IL10RA: variants seen among roughly 807,000 people sequenced by gnomAD.
IL10RA encodes interleukin-10 receptor subunit alpha.
A neutral mutation model predicts 29.6 loss-of-function variants in IL10RA; 18 were observed. That is an observed-to-expected ratio of 0.61 (90% CI 0.42 to 0.90). The LOEUF (loss-of-function observed/expected upper bound fraction) is 0.90. IL10RA is among the 40% of genes least tolerant of loss of function. IL10RA has a pLI of 0.00. For synonymous variants in IL10RA, 292 were observed against 294.1 expected (o/e 0.99, Z 0.07); for missense variants, 634 against 716.6 (o/e 0.88, Z 1.32).
rs1220865707 is a variant in IL10RA at position 118,000,156 on chromosome 11, A to G, written c.*515A>G. The G allele has an allele frequency of 8.8e-6, 4 of 454,018 alleles. No homozygotes were observed. Among genetic ancestry groups the G allele is most frequent in the Non-Finnish European group, 1.8e-5 (4 of 226,914 alleles). 28.1% of individuals were successfully genotyped at this position (454,018 alleles called of 1,614,324 possible). On this transcript the variant is annotated 3_prime_UTR_variant, in exon 7 of 7. Coordinates refer to ENST00000227752, the MANE Select transcript of IL10RA (RefSeq NM_001558.4). Reference sequence around the variant, plus strand: ...GGAAAAAGGAGGATATGATGGTCACATGGGGAACCTCCCCTCATCGGGCCT... The same window carrying G: ...GGAAAAAGGAGGATATGATGGTCACGTGGGGAACCTCCCCTCATCGGGCCT...
At chr11:117,988,326 G>A (rs768327387) in intron 1 of IL10RA, 56 bp from the exon 2 acceptor site, 46 of 1,610,604 alleles carry the variant, frequency 2.9e-5, no homozygotes, top group Non-Finnish European at 3.6e-5. Context: ...GGTAAAATTG[G>A]GGTCATCAAT....
chr11:118,001,005 G>C lies in IL10RA; in HGVS notation c.*1364G>C. 2.2e-6 allele frequency: 1 copy of C among 454,236 alleles called. No homozygotes were observed. Among genetic ancestry groups the C allele is most frequent in the South Asian group, 1.6e-5 (1 of 64,476 alleles). 28.1% of individuals were successfully genotyped at this position (454,236 alleles called of 1,614,324 possible). A position where few individuals can be genotyped will look rare whatever the true frequency, so the allele number is the denominator to read the frequency against. Reference sequence around the variant, plus strand: ...GACAGGCCTGTGCGTGCCATCCAGAGTCATCTCAGCCCTGCCTTTCTCTGG... The same window carrying C: ...GACAGGCCTGTGCGTGCCATCCAGACTCATCTCAGCCCTGCCTTTCTCTGG... On this transcript the variant is annotated 3_prime_UTR_variant, in exon 7 of 7. Coordinates refer to ENST00000227752, the MANE Select transcript of IL10RA (RefSeq NM_001558.4).
intron 6 of IL10RA, among the ~76,000 whole-genome samples, chr11:117,997,972 C>A (rs563112731): frequency 6.6e-6 from 1 of 152,058 alleles, no homozygotes; most frequent in Non-Finnish European, 1.5e-5. Context: ...TGAGGCAGCA[C>A]GGTGCTTGAT....
intron 1 of IL10RA, 31 bp downstream of exon 1, chr11:117,986,565 C>A: frequency 6.5e-7 from 1 of 1,550,052 alleles, no homozygotes; most frequent in Non-Finnish European, 8.7e-7. Context: ...CCTTCCCTGC[C>A]CTGCCCTCTC....
intron 3 of IL10RA, chr11:117,992,879 G>A (rs556985292): frequency 1.8e-5 from 5 of 281,186 alleles, no homozygotes; most frequent in Non-Finnish European, 2.8e-5. Context: ...TAAGAGGTGA[G>A]ACAAAGATCT....
chr11:117,987,987 G>C (rs1273574869), intron 1 of IL10RA: 1 of 311,608 alleles, frequency 3.2e-6, no homozygotes, highest in East Asian at 8.1e-5. Flanking sequence ...CCAGGGTGGG[G>C]ATCAGGTGTG....
At chr11:117,998,615 T>G (rs1224553105) in intron 6 of IL10RA, 100 bp from the exon 7 acceptor site, 1 of 942,382 alleles carries the variant, frequency 1.1e-6, no homozygotes, top group African/African-American at 1.6e-5. Context: ...TGTAGTCTCC[T>G]CCATCGAGCT....
chr11:117,996,473 C>T (rs1003453666), intron 6 of IL10RA, among the ~76,000 whole-genome samples: 10 of 152,206 alleles, frequency 6.6e-5, no homozygotes, highest in Non-Finnish European at 1.5e-4. Flanking sequence ...GAGTTCAGGC[C>T]GCATTGAAGA....
downstream of IL10RA, chr11:118,001,614 T>G: frequency 2.8e-6 from 1 of 357,886 alleles, no homozygotes. Context: ...GACTCAGGCT[T>G]AAATCTGACA....
downstream of IL10RA, chr11:118,002,438 T>C (rs1168178096): frequency 6.6e-6 from 1 of 152,262 alleles, no homozygotes; most frequent in Non-Finnish European, 1.5e-5. Context: ...GCTTTTGCCC[T>C]AGAGCCCTCC....
In IL10RA at chr11:117,999,007, C is replaced by T. The variant is rs568487189; in HGVS notation, c.1103C>T (p.Thr368Ile). ...DSCSSGSSNS[T>I]DSGICLQEPS... ...TGCAGTAGTGGCAGCAGCAATAGCA[C>T]AGACAGCGGGATCTGCCTGCAGGAG... The change falls in exon 7 of 7, where the codon ACA (threonine) becomes ATA (isoleucine). Residue 368 changes from threonine (T) to isoleucine (I), a missense_variant. By Grantham distance (89) the Thr-to-Ile change is moderately conservative. Coordinates refer to ENST00000227752, the MANE Select transcript of IL10RA (RefSeq NM_001558.4). 4 of 1,613,750 alleles carry T rather than the reference C, an allele frequency of 2.5e-6. No homozygotes were observed. The South Asian group carries it at 3.3e-5, about 13-fold the overall frequency.
At chr11:117,986,987 T>A (rs2057990831) in intron 1 of IL10RA, 15 of 506,518 alleles carry the variant, frequency 3.0e-5, no homozygotes, top group South Asian at 2.4e-4. Context: ...CCCGATCTGA[T>A]CCCCCTTGCT....
rs752043400 is a variant in IL10RA at position 117,989,543 on chromosome 11, G to A, written c.290G>A (p.Arg97Gln). ...GACCTGTACCACAGCAATGGCTACCGGGCCAGAGTGCGGGCTGTGGACGGC... is the reference window on the plus strand; with the variant it reads ...GACCTGTACCACAGCAATGGCTACCAGGCCAGAGTGCGGGCTGTGGACGGC... ...TLDLYHSNGY[R>Q]ARVRAVDGSR... Residue 97 changes from arginine to glutamine, a missense_variant, in exon 3 of 7, where the codon CGG (arginine) becomes CAG (glutamine). Arg to Gln is a conservative substitution (Grantham distance 43). Coordinates refer to ENST00000227752, the MANE Select transcript of IL10RA (RefSeq NM_001558.4). The surrounding 1 kb of genome is among the most constrained non-coding windows in gnomAD (Gnocchi z 4.5). 29 of 1,614,060 alleles carry A rather than the reference G, an allele frequency of 1.8e-5. No homozygotes were observed. Among genetic ancestry groups the A allele is most frequent in the South Asian group, 6.6e-5 (6 of 91,090 alleles).
rs201071622 is a variant in IL10RA at position 117,998,789 on chromosome 11, G to T, written c.885G>T (p.Pro295=). 1.2e-6 allele frequency: 2 copies of T among 1,614,068 alleles called. No homozygotes were observed. Among genetic ancestry groups the T allele is most frequent in the Non-Finnish European group, 1.7e-6 (2 of 1,180,020 alleles). ...PSPETQDTIH[P]LDEEAFLKVS... ...CAGAGACCCAAGACACCATCCACCC[G>T]CTTGATGAGGAGGCCTTTTTGAAGG... Residue 295 remains proline (P), a synonymous_variant, in exon 7 of 7, where the codon CCG becomes CCT. Transcript: ENST00000227752.
chr11:117,990,581 T>A (rs2058016034), intron 3 of IL10RA, among the ~76,000 whole-genome samples: 2 of 152,206 alleles, frequency 1.3e-5, no homozygotes, highest in South Asian at 4.1e-4. Flanking sequence ...AATACAGTGC[T>A]TGGGATTTTT....
At position 117,986,623 on chromosome 11, in the gene IL10RA, G is replaced by C. The variant is rs10892202; in HGVS notation, c.67+89G>C. 0.11 allele frequency: 171,033 copies of C among 1,542,486 alleles called. 9,874 individuals are homozygous for C. Among genetic ancestry groups the C allele is most frequent in the Admixed American group, 0.18 (9,124 of 50,998 alleles). The stretch of plus-strand genomic sequence containing the variant: ...TCCATCCAGTGGAGAGCCCTGGCTG[G>C]CTGGCCCTCTGGCAGAGCGGTGCCC... On this transcript the variant is annotated intron_variant, in intron 1 of 6. Coordinates refer to ENST00000227752, the MANE Select transcript of IL10RA (RefSeq NM_001558.4).
chr11:117,994,577 G>T (rs1591264187), intron 5 of IL10RA, among the ~76,000 whole-genome samples: 1 of 152,224 alleles, frequency 6.6e-6, no homozygotes, highest in East Asian at 1.9e-4. Context: ...CGCCAGAGCT[G>T]CTAAAGTCAG....
At position 118,000,962 on chromosome 11, in the gene IL10RA, G is replaced by T. The variant is rs905395520; in HGVS notation, c.*1321G>T. Reference sequence around the variant, plus strand: ...CAAACAAAGGCAGTTCAGTCCACAGGCATGGAAGCTGTGAGGGGACAGGCC... The same window carrying T: ...CAAACAAAGGCAGTTCAGTCCACAGTCATGGAAGCTGTGAGGGGACAGGCC... On this transcript the variant is annotated 3_prime_UTR_variant, in exon 7 of 7. Transcript: ENST00000227752. 4.4e-6 allele frequency: 2 copies of T among 454,174 alleles called. No individual in the cohort carries two copies. The highest frequency in any genetic ancestry group is 1.6e-5 in the South Asian group (1 of 64,474). 28.1% of individuals were successfully genotyped at this position (454,174 alleles called of 1,614,324 possible).
Position 118,000,980 on chromosome 11 carries a change from G to T in IL10RA, c.*1339G>T, listed in dbSNP as rs1443861086. On this transcript the variant is annotated 3_prime_UTR_variant, in exon 7 of 7. Coordinates refer to ENST00000227752, the MANE Select transcript of IL10RA (RefSeq NM_001558.4). The stretch of plus-strand genomic sequence containing the variant: ...TCCACAGGCATGGAAGCTGTGAGGG[G>T]ACAGGCCTGTGCGTGCCATCCAGAG... 1 of 454,102 alleles carries T rather than the reference G, an allele frequency of 2.2e-6. No homozygotes were observed. The highest frequency in any genetic ancestry group is 4.4e-6 in the Non-Finnish European group (1 of 226,774). 28.1% of individuals were successfully genotyped at this position (454,102 alleles called of 1,614,324 possible).
Sources: allele counts gnomAD v4.1 joint callset (sites outside exome capture counted in the v4.1 genomes callset), GRCh38; gene constraint gnomAD v4.1.1; non-coding constraint Gnocchi (gnomAD v3.1); transcripts MANE v1.5; gene names NCBI Gene and HGNC (gene_info 2026-07-23, HGNC 2026-07-21).